The following ABI3BP variants were observed in gnomAD, a reference collection of about 807,000 sequenced individuals.
ABI3BP encodes the protein target of Nesh-SH3.
ABI3BP carries 216 observed loss-of-function variants against 268.6 expected under a neutral mutation model. The ratio of observed to expected loss-of-function variants is 0.80; its 90% CI spans 0.72 to 0.90. The LOEUF (loss-of-function observed/expected upper bound fraction) is 0.90. Among genes scored for constraint, ABI3BP ranks in the 40% least tolerant of loss-of-function variants. ABI3BP has a pLI of 0.00. For synonymous variants in ABI3BP, 730 were observed against 730.0 expected (o/e 1.00, Z 0.00); for missense variants, 2,090 against 2,182.4 (o/e 0.96, Z 0.84).
chr3:100,962,246 C>A (rs939147520), intron 1 of ABI3BP, among the ~76,000 whole-genome samples: 4 of 152,154 alleles, frequency 2.6e-5, no homozygotes, highest in Non-Finnish European at 5.9e-5. Flanking sequence ...CACTTTTGAA[C>A]CTATAAACCT....
Position 100,830,609 on chromosome 3 carries a change from A to G in ABI3BP, c.2427T>C (p.Val809=). 6.5e-7 allele frequency: 1 copy of G among 1,533,636 alleles called. No individual in the cohort carries two copies. The highest frequency in any genetic ancestry group is 8.7e-7 in the Non-Finnish European group (1 of 1,145,292). Residue 809 remains valine (V), a synonymous_variant, in exon 32 of 68, where the codon GTT becomes GTC. Coordinates refer to ENST00000471714, the MANE Select transcript of ABI3BP (RefSeq NM_001375547.2). The part of the protein sequence containing the change: ...KLVPATILEP[V]LRTEASGTTA... ...TTGTCCCTGAAGCCTCAGTTCTAAG[A>G]ACTGGTTCGAGGATTGTGGCAGGAA...
chr3:100,926,276 C>T (rs1215109317), intron 2 of ABI3BP, 26 bp downstream of exon 2: 1 of 1,610,486 alleles, frequency 6.2e-7, no homozygotes, highest in Non-Finnish European at 8.5e-7. Flanking sequence ...TCCTTTCCTT[C>T]CCAGCCCGAT....
chr3:100,963,039 C>G (rs960893207), intron 1 of ABI3BP, among the ~76,000 whole-genome samples: 1 of 152,166 alleles, frequency 6.6e-6, no homozygotes, highest in Admixed American at 6.5e-5. Context: ...ATAACCATCA[C>G]TCATGTAGTG....
chr3:100,924,597 C>T (rs1360100892), intron 2 of ABI3BP, among the ~76,000 whole-genome samples: 2 of 152,050 alleles, frequency 1.3e-5, no homozygotes, highest in African/African-American at 2.4e-5. Flanking sequence ...TTTTAATACT[C>T]TTTCCTTGGT....
At chr3:100,790,074 A>T (rs1281468464) in intron 55 of ABI3BP, among the ~76,000 whole-genome samples, 4 of 152,026 alleles carry the variant, frequency 2.6e-5, no homozygotes, top group Non-Finnish European at 5.9e-5. Flanking sequence ...TGTAGAAATG[A>T]CAGAAAATGA....
At chr3:100,842,595 C>T (rs17284369) in intron 20 of ABI3BP, among the ~76,000 whole-genome samples, 33,278 of 152,118 alleles carry the variant, frequency 0.22, 4,478 homozygotes, top group South Asian at 0.33. Context: ...ACATATGAAA[C>T]TTAACCCATT....
chr3:100,848,547 T>A (rs911897858), intron 18 of ABI3BP, among the ~76,000 whole-genome samples: 1 of 151,958 alleles, frequency 6.6e-6, no homozygotes, highest in African/African-American at 2.4e-5. Flanking sequence ...TATAGCCCAC[T>A]GCAGCCTCAA....
At chr3:100,876,460 T>C in intron 7 of ABI3BP, 52 bp downstream of exon 7, 1 of 1,491,178 alleles carries the variant, frequency 6.7e-7, no homozygotes, top group Non-Finnish European at 9.2e-7. Context: ...TTACCTTAGC[T>C]AAAAGTATGT....
intron 1 of ABI3BP, among the ~76,000 whole-genome samples, chr3:100,985,306 T>G (rs991014046): frequency 6.6e-6 from 1 of 151,706 alleles, no homozygotes; most frequent in Non-Finnish European, 1.5e-5. Flanking sequence ...CGTGCCACCA[T>G]GCCCGGCTAA....
chr3:100,915,236 G>C (rs1157699298), intron 2 of ABI3BP, among the ~76,000 whole-genome samples: 1 of 151,938 alleles, frequency 6.6e-6, no homozygotes, highest in African/African-American at 2.4e-5. Context: ...CACCCCCCAG[G>C]GTAGAAAAGT....
chr3:100,968,041 G>A (rs550865177), intron 1 of ABI3BP, among the ~76,000 whole-genome samples: 12 of 152,290 alleles, frequency 7.9e-5, no homozygotes, highest in East Asian at 1.9e-4. Context: ...GGGGCTATGT[G>A]ATATTAGAGG....
chr3:100,924,663 TAA>T (rs962320608), intron 2 of ABI3BP, among the ~76,000 whole-genome samples: 7 of 152,146 alleles, frequency 4.6e-5, no homozygotes, highest in African/African-American at 1.2e-4. Context: ...TATAAATAAA[TAA>T]AAGTGTCCCT....
At chr3:100,947,649 G>A (rs1047490603) in intron 1 of ABI3BP, among the ~76,000 whole-genome samples, 1 of 152,086 alleles carries the variant, frequency 6.6e-6, no homozygotes, top group Non-Finnish European at 1.5e-5. Flanking sequence ...ATTCCCACTG[G>A]TTATACTATT....
intron 57 of ABI3BP, among the ~76,000 whole-genome samples, chr3:100,781,775 G>A (rs995879759): frequency 7.2e-5 from 11 of 152,076 alleles, no homozygotes; most frequent in African/African-American, 2.4e-4. Flanking sequence ...GAAAAACAAA[G>A]TATCTTGATC....
chr3:100,751,892 A>G (rs2095349988), intron 66 of ABI3BP, among the ~76,000 whole-genome samples: 1 of 152,202 alleles, frequency 6.6e-6, no homozygotes, highest in Non-Finnish European at 1.5e-5. Flanking sequence ...CGTTCTCTCC[A>G]TAAATTTCCC....
At chr3:100,824,644 C>T (rs764013947) in intron 36 of ABI3BP, among the ~76,000 whole-genome samples, 1 of 152,210 alleles carries the variant, frequency 6.6e-6, no homozygotes, top group African/African-American at 2.4e-5. Flanking sequence ...AGAAAAGTCT[C>T]ACATAGAAAT....
chr3:100,848,688 A>C, intron 18 of ABI3BP, 113 bp downstream of exon 18: 1 of 1,025,690 alleles, frequency 9.7e-7, no homozygotes, highest in Non-Finnish European at 1.5e-6. Flanking sequence ...TGGCCTCCCA[A>C]AGTGCTGGAG....
chr3:100,990,393 A>T (rs2092723734), intron 1 of ABI3BP, among the ~76,000 whole-genome samples: 1 of 151,984 alleles, frequency 6.6e-6, no homozygotes, highest in African/African-American at 2.4e-5. Flanking sequence ...ATTTGACAAA[A>T]CTATAGTCAT....
chr3:100,858,918 T>G (rs1166452279), intron 14 of ABI3BP, among the ~76,000 whole-genome samples: 2 of 152,204 alleles, frequency 1.3e-5, no homozygotes, highest in Non-Finnish European at 2.9e-5. Flanking sequence ...TCTCAACCAG[T>G]CACAGCTTTA....
Sources: gnomAD v4.1 joint callset for allele counts (sites outside exome capture counted in the v4.1 genomes callset) on GRCh38, gnomAD v4.1.1 for gene constraint, MANE v1.5 for transcripts, NCBI Gene and HGNC (gene_info 2026-07-23, HGNC 2026-07-21) for gene names.